The following ZNF302 variants were observed in gnomAD, a reference collection of about 807,000 sequenced individuals.
ZNF302 encodes zinc finger protein 302, also known as zinc finger protein 327.
A neutral mutation model predicts 10.8 loss-of-function variants in ZNF302; 12 were observed. The ratio of observed to expected loss-of-function variants is 1.11; its 90% confidence interval spans 0.71 to 1.79. The LOEUF (loss-of-function observed/expected upper bound fraction) is 1.79. Ranked by LOEUF, ZNF302 falls within the 40% of genes most tolerant of loss-of-function variation. The pLI, the probability that ZNF302 is intolerant of heterozygous loss-of-function variation, is 0.00. For missense variants in ZNF302, 461 were observed against 471.1 expected (o/e 0.98, Z 0.20); for synonymous variants, 178 against 157.5 (o/e 1.13, Z -0.98).
chr19:34,679,055 CTG>C (rs1330503013), intron 2 of ZNF302, among the ~76,000 whole-genome samples: 3 of 152,226 alleles, frequency 2.0e-5, no homozygotes, highest in Admixed American at 1.3e-4. Context: ...CATTTTAAAA[CTG>C]TAATTCACAA....
At position 34,680,013 on chromosome 19, in the gene ZNF302, AT is replaced by A; in HGVS notation, c.9+1201del. On this transcript the variant is annotated intron_variant, in intron 2 of 4. Coordinates refer to ENST00000505242, the MANE Select transcript of ZNF302 (RefSeq NM_001289187.2). ...AGTCTGTTTTCATGGAATAATTAAG[AT>A]AATTAGAATTGAAAAACTGGTGTGG... is the stretch of plus-strand genomic sequence containing the variant. 1.2e-5 allele frequency: 8 copies of A among 685,266 alleles called. No individual in the cohort carries two copies. The South Asian group carries it at 1.2e-4, about 11-fold the overall frequency. The allele number at this position is 685,266 out of a possible 1,614,324, so 42.4% of individuals were successfully genotyped here.
In ZNF302 at chr19:34,684,486, A is replaced by C; in HGVS notation, c.449A>C (p.Asp150Ala). The change falls in exon 5 of 5, where the codon GAT becomes GCT. Residue 150 changes from aspartate to alanine, a missense_variant. Physicochemically the swap from Asp to Ala is moderately radical, Grantham distance 126 (BLOSUM62 -2). Coordinates refer to ENST00000505242, the MANE Select transcript of ZNF302 (RefSeq NM_001289187.2). ...NSAEGNSHKY[D>A]ILKKNLSKKS... is the part of the protein sequence containing the mutation. ...GCTGAAGGGAATTCACACAAATATG[A>C]TATATTAAAGAAGAATTTATCAAAA... is the stretch of plus-strand genomic sequence containing the variant. The C allele has an allele frequency of 1.2e-6, 2 of 1,612,728 alleles. No homozygotes were observed. The highest frequency in any genetic ancestry group is 1.7e-6 in the Non-Finnish European group (2 of 1,179,204).
intron 2 of ZNF302, 113 bp from the exon 3 acceptor site, chr19:34,682,664 C>T: frequency 6.6e-7 from 1 of 1,505,552 alleles, no homozygotes; most frequent in South Asian, 1.2e-5. Context: ...CAGTCATTGT[C>T]ACAGCTCCTG....
At chr19:34,679,557 G>A (rs2068225828) in intron 2 of ZNF302, among the ~76,000 whole-genome samples, 1 of 152,202 alleles carries the variant, frequency 6.6e-6, no homozygotes, top group East Asian at 1.9e-4. Flanking sequence ...TGCCATCCAC[G>A]TGGAATATTC....
intron 2 of ZNF302, chr19:34,679,694 C>T: frequency 1.8e-6 from 1 of 545,628 alleles, no homozygotes; most frequent in Non-Finnish European, 3.2e-6. Flanking sequence ...GCTTCCACTC[C>T]TCCATCACTG....
intron 2 of ZNF302, chr19:34,682,158 A>G (rs2068384853): frequency 6.6e-6 from 1 of 152,264 alleles, no homozygotes; most frequent in African/African-American, 2.4e-5. Flanking sequence ...CTCTTCCCTG[A>G]TGATGACATT....
chr19:34,684,514 G>GT lies in ZNF302; in HGVS notation c.478dup (p.Ser160PhefsTer6). On this transcript the variant is annotated frameshift_variant, in exon 5 of 5. Transcript: ENST00000505242. LOFTEE classifies it low-confidence loss of function (END_TRUNC). ...TATTAAAGAAGAATTTATCAAAAAA[G>GT]TCAGTTATAAAAAGTGAGAGAATAA... 1 of 1,612,224 alleles carries GT rather than the reference G, an allele frequency of 6.2e-7. No homozygotes were observed. Among genetic ancestry groups the GT allele is most frequent in the Non-Finnish European group, 8.5e-7 (1 of 1,179,186 alleles).
rs780857077 is a variant in ZNF302 at position 34,683,179 on chromosome 19, T to C, written c.155T>C (p.Val52Ala). The C allele has an allele frequency of 3.1e-6, 5 of 1,613,994 alleles. No individual in the cohort carries two copies. Among genetic ancestry groups the C allele is most frequent in the African/African-American group, 1.3e-5 (1 of 74,926 alleles). ...SVGLSVTKPY[V>A]IMLLEDGKEP... The stretch of plus-strand genomic sequence containing the variant: ...GGTCTTTCCGTAACTAAGCCATATG[T>C]GATCATGTTATTGGAGGATGGAAAA... The change falls in exon 4 of 5, where the codon GTG becomes GCG. Residue 52 changes from valine to alanine, a missense_variant. Physicochemically the swap from Val to Ala is moderately conservative, Grantham distance 64 (BLOSUM62 0). Transcript: ENST00000505242.
rs1409130096 is a variant in ZNF302 at position 34,678,830 on chromosome 19, C to A, written c.9+17C>A. ...ATGTCTCAGGTAAGTCGGTGTGTCC[C>A]CAAATCTTCCTGAAACACTTTATTA... On this transcript the variant is annotated intron_variant, in intron 2 of 4. Coordinates refer to ENST00000505242, the MANE Select transcript of ZNF302 (RefSeq NM_001289187.2). 1.2e-6 allele frequency: 2 copies of A among 1,613,770 alleles called. No individual in the cohort carries two copies. The highest frequency in any genetic ancestry group is 2.2e-5 in the East Asian group (1 of 44,870).
chr19:34,684,229 T>TTTGCTTTC (rs2145344129), intron 4 of ZNF302, 23 bp from the exon 5 acceptor site: 1 of 1,480,158 alleles, frequency 6.8e-7, no homozygotes, highest in East Asian at 2.4e-5. Flanking sequence ...AAGGCAGTGC[T>TTTGCTTTC]TTGCTTTCTT....
At chr19:34,681,128 A>G (rs2068321087) in intron 2 of ZNF302, among the ~76,000 whole-genome samples, 1 of 152,230 alleles carries the variant, frequency 6.6e-6, no homozygotes, top group Admixed American at 6.5e-5. Flanking sequence ...CATGCATGCA[A>G]AATATCCAAA....
intron 2 of ZNF302, 189 bp from the exon 3 acceptor site, chr19:34,682,588 G>A: frequency 2.9e-6 from 2 of 686,592 alleles, no homozygotes. Context: ...GCACATAACT[G>A]TCCCCTTTAT....
chr19:34,678,757 TAAG>T lies in ZNF302; in HGVS notation c.-45_-43del. ...CTCAGGACACTGCCCATCTCTAAGA[TAAG>T]AACCTGGAAAGGGGACTCTGTTGGC... On this transcript the variant is annotated 5_prime_UTR_variant, in exon 2 of 5. Transcript: ENST00000505242. 1 of 1,613,200 alleles carries T rather than the reference TAAG, an allele frequency of 6.2e-7. No homozygotes were observed. The highest frequency in any genetic ancestry group is 8.5e-7 in the Non-Finnish European group (1 of 1,179,292).
upstream of ZNF302, chr19:34,676,302 T>C (rs866258716): frequency 6.6e-6 from 1 of 152,226 alleles, no homozygotes. Context: ...CTCTCGGTTA[T>C]ATGCTAATTA....
At position 34,684,803 on chromosome 19, in the gene ZNF302, C is replaced by T; in HGVS notation, c.766C>T (p.Pro256Ser). Reference protein sequence around the residue: ...RHQISHSGEKPYKCIECGKAF... With the variant: ...RHQISHSGEKSYKCIECGKAF... The stretch of plus-strand genomic sequence containing the variant: ...TCAGATAAGCCATAGTGGAGAGAAA[C>T]CTTACAAATGCATTGAATGTGGGAA... Residue 256 changes from proline to serine, a missense_variant, in exon 5 of 5, where the codon CCT becomes TCT. Coordinates refer to ENST00000505242, the MANE Select transcript of ZNF302 (RefSeq NM_001289187.2). The T allele has an allele frequency of 6.2e-7, 1 of 1,613,960 alleles. No homozygotes were observed. Among genetic ancestry groups the T allele is most frequent in the Middle Eastern group, 1.6e-4 (1 of 6,062 alleles).
Position 34,685,233 on chromosome 19 carries a change from T to G in ZNF302, c.1196T>G (p.Val399Gly), listed in dbSNP as rs971670519. 2.5e-6 allele frequency: 4 copies of G among 1,612,866 alleles called. No individual in the cohort carries two copies. The African/African-American group carries it at 4.0e-5, about 16-fold the overall frequency. Residue 399 changes from valine to glycine, a missense_variant, in exon 5 of 5, where the codon GTT (valine) becomes GGT (glycine). Val to Gly is a moderately radical substitution (Grantham distance 109, BLOSUM62 -3). Coordinates refer to ENST00000505242, the MANE Select transcript of ZNF302 (RefSeq NM_001289187.2). ...SIHTEEKPFEV is the reference protein window; with the variant it reads ...SIHTEEKPFEG ...CATACTGAAGAAAAACCGTTTGAAG[T>G]TTAGAAATGCAGGAAATCCTTCAAC...
In ZNF302 at chr19:34,680,593, A is replaced by G. The variant is rs149279500; in HGVS notation, c.9+1780A>G. ...AGCATGGGAAATTTAAATAAGTGCT[A>G]GGATAGATATCCTATGTTCTTTTGG... On this transcript the variant is annotated intron_variant, in intron 2 of 4. Transcript: ENST00000505242. 2.6e-5 allele frequency among the ~76,000 whole-genome samples: 4 copies of G among 152,376 alleles called. No individual in the cohort carries two copies. The East Asian group carries it at 7.7e-4, about 29-fold the overall frequency.
In ZNF302 at chr19:34,682,867, G is replaced by A. The variant is rs746469933; in HGVS notation, c.100G>A (p.Val34Ile). Residue 34 changes from valine to isoleucine, a missense_variant, in exon 3 of 5, where the codon GTC (valine) becomes ATC (isoleucine). Val to Ile is a conservative substitution (Grantham distance 29, BLOSUM62 3). Coordinates refer to ENST00000505242, the MANE Select transcript of ZNF302 (RefSeq NM_001289187.2). ...AQRDLYKDVM[V>I]QNYENLVSVG... ...GAGGGACTTATACAAGGATGTGATG[G>A]TCCAGAATTATGAGAACCTGGTCTC... The A allele has an allele frequency of 8.1e-6, 13 of 1,613,664 alleles. No individual in the cohort carries two copies. The highest frequency in any genetic ancestry group is 1.3e-5 in the African/African-American group (1 of 74,914).
In ZNF302 at chr19:34,682,899, T is replaced by G; in HGVS notation, c.130+2T>G. 3 of 1,613,646 alleles carry G rather than the reference T, an allele frequency of 1.9e-6. No homozygotes were observed. Among genetic ancestry groups the G allele is most frequent in the Non-Finnish European group, 2.5e-6 (3 of 1,179,682 alleles). On this transcript the variant is annotated splice_donor_variant, in intron 3 of 4. Transcript: ENST00000505242. LOFTEE classifies it high-confidence loss of function. ...ATTATGAGAACCTGGTCTCTGTAGG[T>G]AAGGATATCACCCCTTCCACTCCAA...
Sources: allele counts gnomAD v4.1 joint callset (sites outside exome capture counted in the v4.1 genomes callset), GRCh38; gene constraint gnomAD v4.1.1; transcripts MANE v1.5; gene names NCBI Gene and HGNC (gene_info 2026-07-23, HGNC 2026-07-21).